The following FAM184B variants were observed in gnomAD, a reference collection of about 807,000 sequenced individuals.
The protein encoded by FAM184B is family with sequence similarity 184 member B, also known as protein FAM184B.
In FAM184B, 111 loss-of-function variants were observed where a neutral mutation model predicts 135.9. The ratio of observed to expected loss-of-function variants is 0.82; its 90% CI spans 0.70 to 0.96. The LOEUF (loss-of-function observed/expected upper bound fraction) is 0.96. FAM184B is among the 40% of genes least tolerant of loss of function. The pLI is 0.00. For synonymous variants in FAM184B, 552 were observed against 524.8 expected (o/e 1.05, Z -0.71); for missense variants, 1,375 against 1,323.9 (o/e 1.04, Z -0.60).
chr4:17,709,353 G>C lies in FAM184B; in HGVS notation c.433C>G (p.Leu145Val). 1.9e-6 allele frequency: 3 copies of C among 1,548,188 alleles called. No homozygotes were observed. Among genetic ancestry groups the C allele is most frequent in the Non-Finnish European group, 2.6e-6 (3 of 1,144,730 alleles). ...TCCAGCATTTCCCTGGAGAGCGTGA[G>C]GACTCGCTCGGCGTGCTCTGCCTCC... ...RVEAEHAERV[L>V]TLSREMLELK... Residue 145 changes from leucine to valine, a missense_variant, in exon 2 of 18, where the codon CTC (leucine) becomes GTC (valine). Transcript: ENST00000265018.
intron 1 of FAM184B, among the ~76,000 whole-genome samples, chr4:17,770,104 G>A (rs1718782118): frequency 6.6e-6 from 1 of 152,190 alleles, no homozygotes; most frequent in Non-Finnish European, 1.5e-5. Flanking sequence ...GAGGCGGACA[G>A]GAGCTACCTC....
intron 1 of FAM184B, among the ~76,000 whole-genome samples, chr4:17,725,935 T>A (rs554869681): frequency 1.3e-5 from 2 of 152,224 alleles, no homozygotes; most frequent in African/African-American, 4.8e-5. Context: ...TCTTCTTTTT[T>A]TTTTTTGTGA....
At chr4:17,734,651 G>C (rs534369585) in intron 1 of FAM184B, among the ~76,000 whole-genome samples, 2,784 of 151,110 alleles carry the variant, frequency 0.018, 83 homozygotes, top group African/African-American at 0.061. Context: ...ACACCAGTTA[G>C]AATGGCGATC....
intron 15 of FAM184B, among the ~76,000 whole-genome samples, chr4:17,635,694 G>T (rs189988280): frequency 4.6e-4 from 68 of 148,748 alleles, no homozygotes; most frequent in African/African-American, 1.6e-3. Context: ...AAAAACCCAT[G>T]ATACCTTTGT....
At chr4:17,639,216 C>T (rs1715235913) in intron 14 of FAM184B, 34 bp downstream of exon 14, 1 of 1,549,000 alleles carries the variant, frequency 6.5e-7, no homozygotes, top group Non-Finnish European at 8.7e-7. Flanking sequence ...GGTACATTTG[C>T]AAGACCCTCC....
Position 17,772,838 on chromosome 4 carries a change from A to C in FAM184B, c.141+8321T>G, listed in dbSNP as rs190939106. 4.6e-5 allele frequency among the ~76,000 whole-genome samples: 7 copies of C among 152,332 alleles called. No individual in the cohort carries two copies. The East Asian group carries it at 1.2e-3, about 25-fold the overall frequency. ...CAGGGCAGTTCTGCCTGCCAGGTGC[A>C]CCTACCCCTGTAAAATTGATGTGTA... On this transcript the variant is annotated intron_variant, in intron 1 of 17. Coordinates refer to ENST00000265018, the MANE Select transcript of FAM184B (RefSeq NM_015688.2).
intron 1 of FAM184B, among the ~76,000 whole-genome samples, chr4:17,724,016 C>T (rs1338324119): frequency 6.6e-6 from 1 of 151,976 alleles, no homozygotes; most frequent in Non-Finnish European, 1.5e-5. Context: ...ATCACACATG[C>T]CACCACTATA....
intron 1 of FAM184B, among the ~76,000 whole-genome samples, chr4:17,721,245 G>A (rs554511442): frequency 1.7e-4 from 26 of 151,842 alleles, no homozygotes; most frequent in Non-Finnish European, 3.4e-4. Flanking sequence ...TTAGCCAGGC[G>A]TAGTGGCGGA....
At chr4:17,748,370 C>T (rs1718221518) in intron 1 of FAM184B, among the ~76,000 whole-genome samples, 1 of 151,978 alleles carries the variant, frequency 6.6e-6, no homozygotes, top group South Asian at 2.1e-4. Context: ...TTTGGGGCAT[C>T]CTCAGTTGAT....
In FAM184B at chr4:17,680,572, T is replaced by A. The variant is rs138911790; in HGVS notation, c.1596+7852A>T. Among the ~76,000 whole-genome samples, 75 of 152,330 alleles carry A rather than the reference T, an allele frequency of 4.9e-4. 1 individual carries two copies. The East Asian group carries it at 0.013, about 27-fold the overall frequency. Reference sequence around the variant, plus strand: ...TCTGAGAATATCCCTGAGCCACTCCTGGTGTATCCTGAGTTGTTCAACCCA... The same window carrying A: ...TCTGAGAATATCCCTGAGCCACTCCAGGTGTATCCTGAGTTGTTCAACCCA... On this transcript the variant is annotated intron_variant, in intron 7 of 17. Coordinates refer to ENST00000265018, the MANE Select transcript of FAM184B (RefSeq NM_015688.2).
chr4:17,642,332 C>G, intron 12 of FAM184B, 104 bp from the exon 13 acceptor site: 9 of 1,376,610 alleles, frequency 6.5e-6, no homozygotes, highest in Non-Finnish European at 8.4e-6. Context: ...ACTGGCACCC[C>G]GCCCAGGCTG....
intron 1 of FAM184B, among the ~76,000 whole-genome samples, chr4:17,736,964 G>T (rs1217201019): frequency 2.0e-5 from 3 of 152,132 alleles, no homozygotes; most frequent in African/African-American, 7.2e-5. Context: ...GGCCAACATG[G>T]TGAAACGCCA....
chr4:17,630,382 A>ATAAG lies in FAM184B; in HGVS notation c.*2146_*2149dup, dbSNP rs1560160909. The ATAAG allele has an allele frequency of 6.6e-6, 1 of 152,156 alleles. No homozygotes were observed. Among genetic ancestry groups the ATAAG allele is most frequent in the Non-Finnish European group, 1.5e-5 (1 of 68,042 alleles). 9.4% of individuals were successfully genotyped at this position (152,156 alleles called of 1,614,324 possible). A position where few individuals can be genotyped will look rare whatever the true frequency, so the allele number is the denominator to read the frequency against. ...TGAGGGCTTCACCCTCATGAGTAGG[A>ATAAG]TAAGTACCCTTACAAAAGAGGCTCA... On this transcript the variant is annotated 3_prime_UTR_variant, in exon 18 of 18. Transcript: ENST00000265018.
intron 7 of FAM184B, among the ~76,000 whole-genome samples, chr4:17,674,324 G>A (rs1716262066): frequency 6.6e-6 from 1 of 152,104 alleles, no homozygotes; most frequent in Non-Finnish European, 1.5e-5. Flanking sequence ...TAAAAGTTAT[G>A]TTTACACTAT....
At chr4:17,682,173 C>A (rs1208250701) in intron 7 of FAM184B, among the ~76,000 whole-genome samples, 2 of 152,146 alleles carry the variant, frequency 1.3e-5, no homozygotes, top group Non-Finnish European at 2.9e-5. Flanking sequence ...AAACTTCCAC[C>A]CTTCTCCACC....
chr4:17,754,437 G>C (rs1017776427), intron 1 of FAM184B, among the ~76,000 whole-genome samples: 8 of 151,740 alleles, frequency 5.3e-5, no homozygotes, highest in Non-Finnish European at 1.0e-4. Flanking sequence ...TATAATCCCA[G>C]CTACTCAGGA....
chr4:17,781,329 C>T lies in FAM184B; in HGVS notation c.-30G>A. On this transcript the variant is annotated 5_prime_UTR_variant, in exon 1 of 18. Coordinates refer to ENST00000265018, the MANE Select transcript of FAM184B (RefSeq NM_015688.2). This position sits in a 1 kb window ranked among gnomAD's most constrained non-coding sequence, Gnocchi z 6.5. ...AAAACGCGCCCAGCACTCAGACTCT[C>T]TCGTTTTCTCCCTGCCCACCGTGTG... 6.7e-7 allele frequency: 1 copy of T among 1,498,020 alleles called. No individual in the cohort carries two copies. Among genetic ancestry groups the T allele is most frequent in the Middle Eastern group, 1.7e-4 (1 of 5,790 alleles). 92.8% of individuals were successfully genotyped at this position (1,498,020 alleles called of 1,614,324 possible).
chr4:17,659,902 A>G (rs1715872563), intron 9 of FAM184B, 56 bp downstream of exon 9: 1 of 1,538,798 alleles, frequency 6.5e-7, no homozygotes, highest in African/African-American at 1.4e-5. Flanking sequence ...CAAGTTTGTA[A>G]AAAGGAGGGG....
chr4:17,647,215 G>T (rs925241425), intron 12 of FAM184B, among the ~76,000 whole-genome samples: 1 of 151,230 alleles, frequency 6.6e-6, no homozygotes, highest in African/African-American at 2.4e-5. Context: ...ACTTCGGGCA[G>T]GGGGGAGGGG....
Sources: allele counts gnomAD v4.1 joint callset (sites outside exome capture counted in the v4.1 genomes callset), GRCh38; gene constraint gnomAD v4.1.1; non-coding constraint Gnocchi (gnomAD v3.1); transcripts MANE v1.5; gene names NCBI Gene and HGNC (gene_info 2026-07-23, HGNC 2026-07-21).